The following EPS15L1 variants were observed in gnomAD, a reference collection of about 807,000 sequenced individuals.
The protein encoded by EPS15L1 is epidermal growth factor receptor substrate 15-like 1.
A neutral mutation model predicts 117.1 loss-of-function variants in EPS15L1; 43 were observed. The ratio of observed to expected loss-of-function variants is 0.37; its 90% CI spans 0.29 to 0.47. The LOEUF (loss-of-function observed/expected upper bound fraction) is 0.47. Ranked by LOEUF, EPS15L1 falls within the 20% of genes least tolerant of loss-of-function variation. The pLI, the probability that EPS15L1 is intolerant of heterozygous loss-of-function variation, is 0.99. For synonymous variants in EPS15L1, 459 were observed against 470.5 expected (o/e 0.98, Z 0.32); for missense variants, 981 against 1,164.0 (o/e 0.84, Z 2.29).
At chr19:16,422,423 T>TA (rs397829760) in intron 9 of EPS15L1, among the ~76,000 whole-genome samples, 5 of 152,052 alleles carry the variant, frequency 3.3e-5, no homozygotes, top group Admixed American at 1.3e-4. Context: ...CCTTTTTTTT[T>TA]AAATATTTAC....
rs567336755 is a variant in EPS15L1 at position 16,426,489 on chromosome 19, A to T, written c.559-1173T>A. On this transcript the variant is annotated intron_variant, in intron 8 of 23. Transcript: ENST00000455140. ...TCTCTACTAAAAATTCAAAAAAAAA[A>T]TTAGCTGGCTGTGGTGGTGGGCACC... Among the ~76,000 whole-genome samples, 8 of 152,302 alleles carry T rather than the reference A, an allele frequency of 5.3e-5. No individual in the cohort carries two copies. The East Asian group carries it at 1.5e-3, about 29-fold the overall frequency.
intron 22 of EPS15L1, among the ~76,000 whole-genome samples, chr19:16,363,857 C>T (rs1237625827): frequency 6.6e-6 from 1 of 152,220 alleles, no homozygotes; most frequent in Non-Finnish European, 1.5e-5. Context: ...ATAAGGACTG[C>T]TGCTTTCTTT....
rs1460382606 is a variant in EPS15L1 at position 16,471,572 on chromosome 19, G to C, written c.33+341C>G. 1.3e-5 allele frequency among the ~76,000 whole-genome samples: 2 copies of C among 152,278 alleles called. No individual in the cohort carries two copies. Among genetic ancestry groups the C allele is most frequent in the East Asian group, 3.9e-4 (2 of 5,178 alleles). On this transcript the variant is annotated intron_variant, in intron 1 of 23. Coordinates refer to ENST00000455140, the MANE Select transcript of EPS15L1 (RefSeq NM_001258374.3). This position sits in a 1 kb window ranked among gnomAD's most constrained non-coding sequence, Gnocchi z 4.8. ...GCTGGGCCGCCGCGCCGACAGAAAC[G>C]CTCGCACCCCTCGCCCACCCCTCCG...
chr19:16,408,204 T>C (rs761794439), intron 13 of EPS15L1, among the ~76,000 whole-genome samples: 1 of 152,044 alleles, frequency 6.6e-6, no homozygotes, highest in Non-Finnish European at 1.5e-5. Flanking sequence ...ACCCACCAGC[T>C]CGAGGTTAGG....
intron 7 of EPS15L1, 32 bp from the exon 8 acceptor site, chr19:16,428,793 G>A (rs1166652392): frequency 6.3e-7 from 1 of 1,578,518 alleles, no homozygotes; most frequent in South Asian, 1.1e-5. Context: ...GGGTAACTGT[G>A]GGAGGAAGGA....
chr19:16,386,653 G>T (rs1223796951), intron 19 of EPS15L1, among the ~76,000 whole-genome samples: 1 of 152,200 alleles, frequency 6.6e-6, no homozygotes, highest in Non-Finnish European at 1.5e-5. Flanking sequence ...ACCACTCCCA[G>T]GGGAAAGGAA....
chr19:16,402,189 A>G, intron 16 of EPS15L1, 132 bp downstream of exon 16: 3 of 1,464,562 alleles, frequency 2.0e-6, no homozygotes, highest in Non-Finnish European at 2.7e-6. Flanking sequence ...AAGTGGCAGC[A>G]AAAACAACAG....
intron 6 of EPS15L1, chr19:16,434,752 G>T (rs148154346): frequency 1.5e-4 from 53 of 349,052 alleles, no homozygotes; most frequent in East Asian, 1.2e-3. Flanking sequence ...CTTGTCCTTC[G>T]TCCTAGCTGC....
intron 16 of EPS15L1, chr19:16,401,455 C>A: frequency 3.0e-6 from 3 of 985,680 alleles, no homozygotes; most frequent in Non-Finnish European, 3.6e-6. Flanking sequence ...CAGGGAGGAG[C>A]CCTGGGAGAG....
At chr19:16,462,544 A>AC (rs1403153157) in intron 1 of EPS15L1, among the ~76,000 whole-genome samples, 12 of 152,174 alleles carry the variant, frequency 7.9e-5, no homozygotes, top group Admixed American at 5.2e-4. Flanking sequence ...GGTGGTGTGC[A>AC]CCTGTAATCC....
At position 16,405,901 on chromosome 19, in the gene EPS15L1, C is replaced by T. The variant is rs2092651350; in HGVS notation, c.1267-1152G>A. Among the ~76,000 whole-genome samples, 1 of 152,218 alleles carries T rather than the reference C, an allele frequency of 6.6e-6. No homozygotes were observed. The highest frequency in any genetic ancestry group is 1.5e-5 in the Non-Finnish European group (1 of 68,034). ...TGAAATAGCACAACGGGCATTGTGA[C>T]AAGCCTCCTCCCTCCAGCTGCCATG... On this transcript the variant is annotated intron_variant, in intron 13 of 23. Coordinates refer to ENST00000455140, the MANE Select transcript of EPS15L1 (RefSeq NM_001258374.3). This position sits in a 1 kb window ranked among gnomAD's most constrained non-coding sequence, Gnocchi z 4.0.
intron 1 of EPS15L1, among the ~76,000 whole-genome samples, chr19:16,463,687 G>C (rs2093274440): frequency 6.6e-6 from 1 of 152,304 alleles, no homozygotes. Flanking sequence ...TGTGGACCTA[G>C]TCTAGGTGGT....
chr19:16,393,695 T>TA (rs1366427808), intron 18 of EPS15L1, among the ~76,000 whole-genome samples: 4 of 148,226 alleles, frequency 2.7e-5, no homozygotes, highest in Admixed American at 6.7e-5. Flanking sequence ...ATAAATAAAA[T>TA]AAATAAATAA....
intron 1 of EPS15L1, among the ~76,000 whole-genome samples, chr19:16,447,147 T>C (rs993651386): frequency 3.3e-5 from 5 of 152,124 alleles, no homozygotes; most frequent in Non-Finnish European, 5.9e-5. Flanking sequence ...TGAGATAACC[T>C]GGCTCAGTCA....
In EPS15L1 at chr19:16,402,421, T is replaced by C. The variant is rs1443423516; in HGVS notation, c.1691A>G (p.Tyr564Cys). The C allele has an allele frequency of 6.8e-6, 11 of 1,614,010 alleles. No individual in the cohort carries two copies. Among genetic ancestry groups the C allele is most frequent in the Non-Finnish European group, 9.3e-6 (11 of 1,179,992 alleles). ...ATGGGCTCCATCGAGCACCTGGTCA[T>C]ACTGCTCCAGGCTCCTGTGGGCCTC... ...RQEAHRSLEQYDQVLDGAHGA... is the reference protein window; with the variant it reads ...RQEAHRSLEQCDQVLDGAHGA... Residue 564 changes from tyrosine to cysteine, a missense_variant, in exon 16 of 24, where the codon TAT becomes TGT. This residue lies in a region of EPS15L1 where 819 missense variants were observed against 949.0 expected (regional missense o/e 0.86). Transcript: ENST00000455140.
chr19:16,432,054 T>C (rs773235368), intron 7 of EPS15L1, among the ~76,000 whole-genome samples: 1 of 152,196 alleles, frequency 6.6e-6, no homozygotes, highest in Non-Finnish European at 1.5e-5. Flanking sequence ...TTTCGGTGTA[T>C]GATAGGGGCC....
intron 16 of EPS15L1, among the ~76,000 whole-genome samples, chr19:16,398,642 A>G (rs1322735480): frequency 2.0e-5 from 3 of 152,168 alleles, no homozygotes; most frequent in African/African-American, 7.2e-5. Context: ...TCAGAATGAA[A>G]GCTTCTATTT....
chr19:16,437,958 T>C (rs545393008), intron 4 of EPS15L1, 93 bp from the exon 5 acceptor site: 332 of 955,124 alleles, frequency 3.5e-4, no homozygotes, highest in Non-Finnish European at 4.8e-4. Flanking sequence ...GGAAAGAGGA[T>C]GTGCACTTCA....
In EPS15L1 at chr19:16,400,336, C is replaced by CAAAAAAAAAAAAAAAAAAAAAAAAA. The variant is rs1162302779; in HGVS notation, c.1791+1984_1791+1985insTTTTTTTTTTTTTTTTTTTTTTTTT. ...TGGGAGACAGAGCGAGACTCCGTCTCAAAAAAAAAAAAACAAAAACAAAAA... is the reference window on the plus strand; with the variant it reads ...TGGGAGACAGAGCGAGACTCCGTCTCAAAAAAAAAAAAAAAAAAAAAAAAAAAAAAAAAAAAAACAAAAACAAAAA... On this transcript the variant is annotated intron_variant, in intron 16 of 23. Transcript: ENST00000455140. Among the ~76,000 whole-genome samples, 3 of 60,682 alleles carry CAAAAAAAAAAAAAAAAAAAAAAAAA rather than the reference C, an allele frequency of 4.9e-5. 1 individual carries two copies. The Admixed American group carries it at 5.6e-4, about 11-fold the overall frequency. 39.8% of individuals were successfully genotyped at this position (60,682 alleles called of 152,430 possible).
Sources: allele counts gnomAD v4.1 joint callset (sites outside exome capture counted in the v4.1 genomes callset), GRCh38; gene constraint gnomAD v4.1.1; regional missense constraint gnomAD v4.1.1; non-coding constraint Gnocchi (gnomAD v3.1); transcripts MANE v1.5; gene names NCBI Gene and HGNC (gene_info 2026-07-23, HGNC 2026-07-21).